CAMTA1: variants seen among roughly 807,000 people sequenced by gnomAD.
CAMTA1 encodes the protein calmodulin binding transcription activator 1.
Under a neutral mutation model 170.9 loss-of-function variants are expected in CAMTA1, and 27 were observed. That is an observed-to-expected ratio of 0.16 (90% confidence interval 0.12 to 0.22). The LOEUF (loss-of-function observed/expected upper bound fraction) is 0.22, where lower values mean the gene tolerates loss of function less well. CAMTA1 is among the 10% of genes least tolerant of loss of function. The pLI, the probability that CAMTA1 is intolerant of heterozygous loss-of-function variation, is 1.00. For missense variants in CAMTA1, 1,619 were observed against 2,217.2 expected, an observed-to-expected ratio of 0.73 and a Z score of 5.42; for synonymous variants, 833 against 891.5, an observed-to-expected ratio of 0.93 and a Z score of 1.17.
At chr1:7,343,233 G>A (rs528179072) in intron 5 of CAMTA1, among the ~76,000 whole-genome samples, 4 of 152,186 alleles carry the variant, frequency 2.6e-5, no homozygotes, top group Non-Finnish European at 5.9e-5. Context: ...CAGCGACTCC[G>A]ATGGCTTGGG....
At chr1:7,669,540 G>A (rs1021964312) in intron 9 of CAMTA1, among the ~76,000 whole-genome samples, 4 of 152,214 alleles carry the variant, frequency 2.6e-5, no homozygotes, top group African/African-American at 7.2e-5. Flanking sequence ...GGGGGGTAGG[G>A]AATCACTTCT....
intron 3 of CAMTA1, among the ~76,000 whole-genome samples, chr1:6,952,957 T>C (rs1222314536): frequency 2.6e-5 from 4 of 152,186 alleles, no homozygotes; most frequent in African/African-American, 9.7e-5. Flanking sequence ...GCCACCGTGG[T>C]GGACACTGGG....
chr1:6,984,096 GGGTGAATA>G (rs1694945745), intron 3 of CAMTA1, among the ~76,000 whole-genome samples: 1 of 77,630 alleles, frequency 1.3e-5, no homozygotes, highest in African/African-American at 4.8e-5. Flanking sequence ...ATGGGTGGGT[GGGTGAATA>G]GATGGGTTGG....
At chr1:7,206,323 G>C (rs115644848) in intron 4 of CAMTA1, among the ~76,000 whole-genome samples, 3,636 of 152,246 alleles carry the variant, frequency 0.024, 103 homozygotes, top group Non-Finnish European at 0.026. Context: ...CCCATTTGCT[G>C]AGGAATACTT....
At chr1:7,186,310 A>G (rs1222081256) in intron 4 of CAMTA1, among the ~76,000 whole-genome samples, 2 of 152,214 alleles carry the variant, frequency 1.3e-5, no homozygotes, top group African/African-American at 4.8e-5. Context: ...ATAAAAATCT[A>G]TTAAAAAGTG....
chr1:6,818,611 G>A lies in CAMTA1; in HGVS notation c.46-1570G>A, dbSNP rs542291788. Among the ~76,000 whole-genome samples the A allele has an allele frequency of 4.6e-5, 7 of 152,110 alleles. No individual in the cohort carries two copies. In the South Asian group the frequency reaches 1.2e-3, roughly 27 times the overall value. ...ACTTTCCTAAGGACAGCTAGTAAAT[G>A]TTAGAACTGAACTCTTTATATTTTA... On this transcript the variant is annotated intron_variant, in intron 1 of 22. Transcript: ENST00000303635.
At chr1:6,879,926 C>T (rs1339288718) in intron 3 of CAMTA1, among the ~76,000 whole-genome samples, 1 of 151,882 alleles carries the variant, frequency 6.6e-6, no homozygotes, top group African/African-American at 2.4e-5. Context: ...CATGCCTGGC[C>T]CTGTGGGAGG....
At chr1:7,108,991 G>A (rs1643865880) in intron 4 of CAMTA1, among the ~76,000 whole-genome samples, 1 of 152,178 alleles carries the variant, frequency 6.6e-6, no homozygotes, top group Non-Finnish European at 1.5e-5. Flanking sequence ...CTTGTGGGCT[G>A]TTGAGCTGAG....
At position 6,967,254 on chromosome 1, in the gene CAMTA1, C is replaced by A. The variant is rs571003847; in HGVS notation, c.235-124050C>A. 2.7e-3 allele frequency among the ~76,000 whole-genome samples: 416 copies of A among 151,782 alleles called. 1 individual carries two copies. The highest frequency in any genetic ancestry group is 9.2e-3 in the African/African-American group (379 of 41,358). ...AGACTCCATTTCAAAAACAAAAAAA[C>A]CAAAAAATCAGGGTTAAGCCCATTG... On this transcript the variant is annotated intron_variant, in intron 3 of 22. Transcript: ENST00000303635.
chr1:6,894,170 C>G (rs191349014), intron 3 of CAMTA1, among the ~76,000 whole-genome samples: 1 of 151,326 alleles, frequency 6.6e-6, no homozygotes, highest in African/African-American at 2.4e-5. Flanking sequence ...CAGTACCCAC[C>G]CATCTACCCG....
chr1:7,486,977 C>G (rs984923803), intron 6 of CAMTA1, among the ~76,000 whole-genome samples: 4 of 152,120 alleles, frequency 2.6e-5, no homozygotes, highest in African/African-American at 9.7e-5. Flanking sequence ...GCTTCCTCAC[C>G]TGTACAACAG....
intron 5 of CAMTA1, among the ~76,000 whole-genome samples, chr1:7,352,722 A>G (rs1207937375): frequency 1.3e-5 from 2 of 152,178 alleles, no homozygotes; most frequent in Non-Finnish European, 2.9e-5. Context: ...GTTGCTGGGA[A>G]GTGGGGTGGG....
chr1:7,483,877 C>T (rs10746472), intron 6 of CAMTA1, among the ~76,000 whole-genome samples: 81,072 of 151,938 alleles, frequency 0.53, 22,069 homozygotes, highest in African/African-American at 0.63. Flanking sequence ...ACCTGGCTCC[C>T]GTGAGCAGCC....
intron 3 of CAMTA1, among the ~76,000 whole-genome samples, chr1:7,074,312 A>G (rs529924203): frequency 7.9e-5 from 12 of 152,348 alleles, no homozygotes; most frequent in African/African-American, 2.4e-4. Context: ...TTGTCTTGCA[A>G]AATGGCACAT....
rs752643297 is a variant in CAMTA1 at position 7,093,712 on chromosome 1, A to G, written c.302+2341A>G. 1.3e-5 allele frequency among the ~76,000 whole-genome samples: 2 copies of G among 152,160 alleles called. No individual in the cohort carries two copies. Among genetic ancestry groups the G allele is most frequent in the Admixed American group, 1.3e-4 (2 of 15,284 alleles). On this transcript the variant is annotated intron_variant, in intron 4 of 22. Coordinates refer to ENST00000303635, the MANE Select transcript of CAMTA1 (RefSeq NM_015215.4). The surrounding 1 kb of genome is among the most constrained non-coding windows in gnomAD (Gnocchi z 4.6). ...ACTCGCATGACTTTCTGGAATATAC[A>G]TAGAGCCAAGAGACCCCACCCCGAG...
At chr1:7,402,917 G>A (rs1351472019) in intron 5 of CAMTA1, among the ~76,000 whole-genome samples, 1 of 152,190 alleles carries the variant, frequency 6.6e-6, no homozygotes, top group African/African-American at 2.4e-5. Flanking sequence ...GGGGCACGCG[G>A]GACTCGCATC....
At chr1:7,493,516 C>T (rs1373750514) in intron 6 of CAMTA1, among the ~76,000 whole-genome samples, 4 of 152,216 alleles carry the variant, frequency 2.6e-5, no homozygotes, top group South Asian at 2.1e-4. Flanking sequence ...CACACACACG[C>T]GCAGGGGCAC....
intron 5 of CAMTA1, among the ~76,000 whole-genome samples, chr1:7,346,118 A>G (rs918270607): frequency 9.6e-4 from 146 of 152,300 alleles, no homozygotes; most frequent in African/African-American, 3.5e-3. Context: ...ATGTGTTTAT[A>G]TGGTTTGAAA....
chr1:7,689,893 C>T (rs1041910871), intron 11 of CAMTA1, among the ~76,000 whole-genome samples: 1 of 152,152 alleles, frequency 6.6e-6, no homozygotes, highest in Non-Finnish European at 1.5e-5. Flanking sequence ...CACAGTGGCT[C>T]GTGCCTGTAA....
Sources: gnomAD v4.1 joint callset for allele counts (sites outside exome capture counted in the v4.1 genomes callset) on GRCh38, gnomAD v4.1.1 for gene constraint, Gnocchi (gnomAD v3.1) non-coding constraint, MANE v1.5 for transcripts, NCBI Gene and HGNC (gene_info 2026-07-23, HGNC 2026-07-21) for gene names.